Variants in SHISAL1 observed in about 807,000 individuals in gnomAD.
SHISAL1 encodes the protein shisa like 1.
Under a neutral mutation model 22.6 loss-of-function variants are expected in SHISAL1, and 9 were observed. That is an observed-to-expected ratio of 0.40 (90% CI 0.24 to 0.70). The LOEUF is 0.70. Ranked by LOEUF, SHISAL1 falls within the 30% of genes least tolerant of loss-of-function variation. The pLI is 0.39. For synonymous variants in SHISAL1, 119 were observed against 115.4 expected (o/e 1.03, Z -0.20); for missense variants, 246 against 270.6 (o/e 0.91, Z 0.64).
At chr22:44,326,750 C>T in the SHISAL1 span, among the ~76,000 whole-genome samples, 42 of 152,148 alleles carry the variant, frequency 2.8e-4, 1 homozygote, top group East Asian at 3.5e-3. Context: ...TCGATGTAAA[C>T]GCCCTGTTCA....
the SHISAL1 span, among the ~76,000 whole-genome samples, chr22:44,319,022 C>T: frequency 1.3e-5 from 2 of 152,250 alleles, no homozygotes; most frequent in Admixed American, 1.3e-4. Flanking sequence ...CTCAAAGGGT[C>T]CCGTTGTACC....
chr22:44,245,659 C>G lies in SHISAL1; in HGVS notation c.*4026G>C, dbSNP rs757883858. On this transcript the variant is annotated 3_prime_UTR_variant, in exon 5 of 5. Coordinates refer to ENST00000381176, the MANE Select transcript of SHISAL1 (RefSeq NM_001099294.2). Reference sequence around the variant, plus strand: ...TGGAATCCTGAGCCAACCTGGACAGCGGCCTGTGGGGGAGTCAGTGCCAAG... The same window carrying G: ...TGGAATCCTGAGCCAACCTGGACAGGGGCCTGTGGGGGAGTCAGTGCCAAG... The G allele has an allele frequency of 4.6e-5, 7 of 152,540 alleles. No individual in the cohort carries two copies. Among genetic ancestry groups the G allele is most frequent in the Non-Finnish European group, 1.5e-5 (1 of 68,238 alleles). The allele number at this position is 152,540 out of a possible 1,614,324, so 9.4% of individuals were successfully genotyped here.
At chr22:44,271,474 CAGCCCATG>C (rs1264597834) in intron 4 of SHISAL1, among the ~76,000 whole-genome samples, 5 of 152,216 alleles carry the variant, frequency 3.3e-5, no homozygotes, top group African/African-American at 1.2e-4. Flanking sequence ...GAGCACCCTC[CAGCCCATG>C]GGCAAAACTC....
the SHISAL1 span, among the ~76,000 whole-genome samples, chr22:44,325,063 C>T: frequency 9.2e-5 from 14 of 151,968 alleles, no homozygotes; most frequent in Non-Finnish European, 1.6e-4. Context: ...GCCAACGTGG[C>T]GAAACCCTGT....
chr22:44,319,397 A>C, the SHISAL1 span, among the ~76,000 whole-genome samples: 1 of 152,240 alleles, frequency 6.6e-6, no homozygotes, highest in Non-Finnish European at 1.5e-5. Context: ...TCTAGGACTC[A>C]GGCTCTTGGC....
At chr22:44,301,113 CG>C in intron 1 of SHISAL1, 136 bp from the exon 2 acceptor site, 1 of 578,608 alleles carries the variant, frequency 1.7e-6, no homozygotes, top group South Asian at 2.2e-5. Context: ...CGGGTGCGGA[CG>C]ATGGAGATGC....
chr22:44,253,216 G>T (rs1332920938), intron 4 of SHISAL1, among the ~76,000 whole-genome samples: 1 of 151,972 alleles, frequency 6.6e-6, no homozygotes, highest in Non-Finnish European at 1.5e-5. Flanking sequence ...TAAATCAGGG[G>T]TCATAATCTT....
chr22:44,320,763 C>T, the SHISAL1 span, among the ~76,000 whole-genome samples: 1 of 152,138 alleles, frequency 6.6e-6, no homozygotes, highest in Non-Finnish European at 1.5e-5. Flanking sequence ...GGAAGGGCTG[C>T]ACTCCCAGGT....
upstream of SHISAL1, among the ~76,000 whole-genome samples, chr22:44,317,661 C>T (rs1041755236): frequency 6.6e-6 from 1 of 152,194 alleles, no homozygotes; most frequent in African/African-American, 2.4e-5. Context: ...GCCGAACCCC[C>T]AGGAAGAATA....
chr22:44,319,719 C>A, the SHISAL1 span, among the ~76,000 whole-genome samples: 1 of 152,226 alleles, frequency 6.6e-6, no homozygotes, highest in African/African-American at 2.4e-5. Flanking sequence ...GGCTCTCCTG[C>A]CCTTCCCACC....
In SHISAL1 at chr22:44,301,513, C is replaced by T. The variant is rs920789147; in HGVS notation, c.-32-536G>A. On this transcript the variant is annotated intron_variant, in intron 1 of 4. Coordinates refer to ENST00000381176, the MANE Select transcript of SHISAL1 (RefSeq NM_001099294.2). Reference sequence around the variant, plus strand: ...GTTCTACTCAGGAAGGCTGACAACACGCAAACAAATGAATGTTTAAAATGC... The same window carrying T: ...GTTCTACTCAGGAAGGCTGACAACATGCAAACAAATGAATGTTTAAAATGC... Among the ~76,000 whole-genome samples, 17 of 152,342 alleles carry T rather than the reference C, an allele frequency of 1.1e-4. No individual in the cohort carries two copies. In the East Asian group the frequency reaches 1.9e-3, roughly 17 times the overall value.
At chr22:44,327,675 G>A in the SHISAL1 span, among the ~76,000 whole-genome samples, 1 of 152,138 alleles carries the variant, frequency 6.6e-6, no homozygotes, top group African/African-American at 2.4e-5. Flanking sequence ...AGGAAGGCAG[G>A]AAGGAGGGAA....
intron 4 of SHISAL1, among the ~76,000 whole-genome samples, chr22:44,265,012 A>AAC (rs1242610411): frequency 2.8e-5 from 4 of 143,888 alleles, no homozygotes; most frequent in Admixed American, 6.7e-5. Flanking sequence ...CAGAGACCCC[A>AAC]ACACACACAC....
At chr22:44,275,381 G>A (rs1445443079) in intron 4 of SHISAL1, among the ~76,000 whole-genome samples, 1 of 152,246 alleles carries the variant, frequency 6.6e-6, no homozygotes, top group African/African-American at 2.4e-5. Context: ...AGCCCGCGAA[G>A]GGGCCGACGG....
At chr22:44,253,832 C>CTGTGTGTGTGTGTGTGTGTG (rs61001074) in intron 4 of SHISAL1, among the ~76,000 whole-genome samples, 17 of 149,286 alleles carry the variant, frequency 1.1e-4, no homozygotes, top group East Asian at 3.9e-4. Flanking sequence ...AATCTAACAA[C>CTGTGTGTGTGTGTGTGTGTG]TGTGTGTGTG....
intron 4 of SHISAL1, among the ~76,000 whole-genome samples, chr22:44,270,616 A>C (rs1403146967): frequency 2.0e-5 from 3 of 152,202 alleles, no homozygotes. Flanking sequence ...GGCTGAAGCC[A>C]GGCCCATCCT....
In SHISAL1 at chr22:44,249,384, C is replaced by G. The variant is rs2055030182; in HGVS notation, c.*301G>C. The G allele has an allele frequency of 5.8e-6, 2 of 344,052 alleles. No individual in the cohort carries two copies. Among genetic ancestry groups the G allele is most frequent in the Non-Finnish European group, 1.1e-5 (2 of 187,538 alleles). The allele number at this position is 344,052 out of a possible 1,614,324, so 21.3% of individuals were successfully genotyped here. A position where few individuals can be genotyped will look rare whatever the true frequency, so the allele number is the denominator to read the frequency against. On this transcript the variant is annotated 3_prime_UTR_variant, in exon 5 of 5. Coordinates refer to ENST00000381176, the MANE Select transcript of SHISAL1 (RefSeq NM_001099294.2). ...CTGGAATCAGCCAGAGTTGCTTTGT[C>G]TTGGTCATCCTGAGTCCACAATGAG...
chr22:44,307,040 G>A (rs151160277), intron 1 of SHISAL1, among the ~76,000 whole-genome samples: 8 of 152,178 alleles, frequency 5.3e-5, no homozygotes, highest in South Asian at 4.1e-4. Flanking sequence ...TAATGATGGC[G>A]TGTTACACCA....
intron 3 of SHISAL1, among the ~76,000 whole-genome samples, chr22:44,291,576 G>C (rs1229372573): frequency 2.6e-5 from 4 of 152,134 alleles, no homozygotes; most frequent in African/African-American, 9.7e-5. Context: ...AAGCTTTGGG[G>C]GTCAGAGGTT....
Sources: allele counts gnomAD v4.1 joint callset (sites outside exome capture counted in the v4.1 genomes callset), GRCh38; gene constraint gnomAD v4.1.1; transcripts MANE v1.5; gene names NCBI Gene and HGNC (gene_info 2026-07-23, HGNC 2026-07-21).